ANXA6: variants seen among roughly 807,000 people sequenced by gnomAD.
ANXA6 encodes the protein 67 kDa calelectrin.
ANXA6 carries 71 observed loss-of-function variants against 95.4 expected under a neutral mutation model. The observed-to-expected ratio is 0.74, with a 90% confidence interval of 0.61 to 0.91. The LOEUF is 0.91. Among genes scored for constraint, ANXA6 ranks in the 40% least tolerant of loss-of-function variants. The probability of loss-of-function intolerance (pLI) is 0.00; values close to 1 mark genes in which losing one functional copy is unlikely to be tolerated. For missense variants in ANXA6, 830 were observed against 876.4 expected (o/e 0.95, Z 0.67); for synonymous variants, 289 against 315.9 (o/e 0.91, Z 0.90).
chr5:151,103,214 C>T (rs1482649151), intron 25 of ANXA6, among the ~76,000 whole-genome samples: 2 of 152,174 alleles, frequency 1.3e-5, no homozygotes, highest in Non-Finnish European at 2.9e-5. Flanking sequence ...CCAGGCTGGT[C>T]TTGAACTCCT....
chr5:151,128,004 C>G (rs1438735817), intron 13 of ANXA6, among the ~76,000 whole-genome samples, 177 bp downstream of exon 13: 2 of 152,164 alleles, frequency 1.3e-5, no homozygotes, highest in Non-Finnish European at 2.9e-5. Context: ...CACTCTCAGA[C>G]ACACAGACCC....
At position 151,139,441 on chromosome 5, in the gene ANXA6, T is replaced by C; in HGVS notation, c.116A>G (p.Asp39Gly). 1 of 1,612,824 alleles carries C rather than the reference T, an allele frequency of 6.2e-7. No homozygotes were observed. Among genetic ancestry groups the C allele is most frequent in the Non-Finnish European group, 8.5e-7 (1 of 1,178,998 alleles). Residue 39 changes from aspartate (D) to glycine (G), a missense_variant, in exon 4 of 26, where the codon GAC becomes GGC. Physicochemically the swap from Asp to Gly is moderately conservative, Grantham distance 94. Coordinates refer to ENST00000354546, the MANE Select transcript of ANXA6 (RefSeq NM_001155.5). ...GATTATGTCCAGTATGGCCTCCTTG[T>C]CACTGCCTGGAATAGGGGAGAGCAA... is the stretch of plus-strand genomic sequence containing the variant. The part of the protein sequence containing the change: ...LYTAMKGFGS[D>G]KEAILDIITS...
intron 6 of ANXA6, 66 bp from the exon 7 acceptor site, chr5:151,136,401 C>T: frequency 1.4e-6 from 2 of 1,448,880 alleles, no homozygotes; most frequent in Non-Finnish European, 1.9e-6. Context: ...ATAAAGGGCC[C>T]TGCTGCCCCC....
intron 1 of ANXA6, among the ~76,000 whole-genome samples, chr5:151,153,226 C>T (rs1261228384): frequency 6.6e-6 from 1 of 152,204 alleles, no homozygotes; most frequent in Non-Finnish European, 1.5e-5. Context: ...ATCCAGCTTT[C>T]CAGAATCTAT....
intron 20 of ANXA6, among the ~76,000 whole-genome samples, chr5:151,111,788 T>G (rs1171154490): frequency 6.6e-6 from 1 of 151,694 alleles, no homozygotes; most frequent in Non-Finnish European, 1.5e-5. Flanking sequence ...GGGGTCTCAC[T>G]TTGTTGTCCA....
chr5:151,110,861 T>G (rs941411428), intron 20 of ANXA6, among the ~76,000 whole-genome samples: 2 of 152,076 alleles, frequency 1.3e-5, no homozygotes, highest in Admixed American at 6.5e-5. Flanking sequence ...GAGCTCAGAA[T>G]GCGGATAGGC....
intron 13 of ANXA6, among the ~76,000 whole-genome samples, chr5:151,127,228 C>G (rs1314656070): frequency 6.6e-6 from 1 of 152,258 alleles, no homozygotes; most frequent in Non-Finnish European, 1.5e-5. Flanking sequence ...TCAGTAATAT[C>G]TGCTGAACTG....
chr5:151,138,338 T>C (rs10039049), intron 5 of ANXA6, among the ~76,000 whole-genome samples: 49,125 of 152,032 alleles, frequency 0.32, 8,246 homozygotes, highest in South Asian at 0.57. Context: ...TATTATCCTT[T>C]AAGATGCCCT....
At chr5:151,151,366 C>T (rs1371153159) in intron 1 of ANXA6, 2 of 152,184 alleles carry the variant, frequency 1.3e-5, no homozygotes, top group African/African-American at 4.8e-5. Context: ...TCCATGACTC[C>T]AAGTCCCTCA....
rs1016510472 is a variant in ANXA6, at chr5:151,137,103, T to C, written c.409+128A>G. ...AGCAAGTACTTATTGGGTAGATAAA[T>C]GGGTGGACAAATGGATCAGAGGAAA... On this transcript the variant is annotated intron_variant, in intron 6 of 25. Transcript: ENST00000354546. 6.0e-6 allele frequency: 5 copies of C among 832,568 alleles called. No homozygotes were observed. The East Asian group carries it at 1.4e-4, about 23-fold the overall frequency. The allele number at this position is 832,568 out of a possible 1,614,324, so 51.6% of individuals were successfully genotyped here.
chr5:151,143,638 A>G (rs1263431735), intron 2 of ANXA6, among the ~76,000 whole-genome samples: 1 of 152,128 alleles, frequency 6.6e-6, no homozygotes, highest in African/African-American at 2.4e-5. Flanking sequence ...ATACGATGCT[A>G]AGGGCAGCAT....
rs1764539329 is a variant in ANXA6 at position 151,101,248 on chromosome 5, C to A, written c.*200G>T. The A allele has an allele frequency of 3.2e-6, 2 of 625,714 alleles. No homozygotes were observed. Among genetic ancestry groups the A allele is most frequent in the Non-Finnish European group, 5.8e-6 (2 of 345,442 alleles). 38.8% of individuals were successfully genotyped at this position (625,714 alleles called of 1,614,324 possible). A position where few individuals can be genotyped will look rare whatever the true frequency, so the allele number is the denominator to read the frequency against. Reference sequence around the variant, plus strand: ...AGGATCTATGGCTACGGTTTTTCAGCCGCTCAGCCGTGCTGGGCCCTCGAT... The same window carrying A: ...AGGATCTATGGCTACGGTTTTTCAGACGCTCAGCCGTGCTGGGCCCTCGAT... On this transcript the variant is annotated 3_prime_UTR_variant, in exon 26 of 26. Transcript: ENST00000354546.
chr5:151,113,367 C>T (rs1764903856), intron 20 of ANXA6, among the ~76,000 whole-genome samples: 1 of 152,126 alleles, frequency 6.6e-6, no homozygotes, highest in South Asian at 2.1e-4. Context: ...CAACACTGCA[C>T]TCCAGCCTGG....
intron 3 of ANXA6, 143 bp downstream of exon 3, chr5:151,140,010 A>T: frequency 1.8e-6 from 1 of 566,256 alleles, no homozygotes; most frequent in South Asian, 3.4e-5. Flanking sequence ...TAACATCATG[A>T]AAATTAATAA....
chr5:151,118,447 T>G (rs2113910229), intron 18 of ANXA6, among the ~76,000 whole-genome samples: 1 of 152,112 alleles, frequency 6.6e-6, no homozygotes, highest in African/African-American at 2.4e-5. Flanking sequence ...TTTTTTGTTT[T>G]TTTTGAGATG....
Position 151,136,384 on chromosome 5 carries a change from A to G in ANXA6, c.410-49T>C, listed in dbSNP as rs750872536. On this transcript the variant is annotated intron_variant, in intron 6 of 25. Coordinates refer to ENST00000354546, the MANE Select transcript of ANXA6 (RefSeq NM_001155.5). ...AGTCTCATCCCCAGAGACCTCAGGG[A>G]TCTAGGATAAAGGGCCCTGCTGCCC... 3.8e-6 allele frequency: 6 copies of G among 1,569,284 alleles called. No homozygotes were observed. In the East Asian group the frequency reaches 1.4e-4, roughly 35 times the overall value.
At chr5:151,145,347 G>A (rs1252660957) in intron 2 of ANXA6, among the ~76,000 whole-genome samples, 1 of 152,232 alleles carries the variant, frequency 6.6e-6, no homozygotes, top group Non-Finnish European at 1.5e-5. Flanking sequence ...AGAAGTCCCA[G>A]GCACAAGCAC....
At chr5:151,120,172 C>T (rs4958897) in intron 17 of ANXA6, among the ~76,000 whole-genome samples, 50,723 of 151,852 alleles carry the variant, frequency 0.33, 9,214 homozygotes, top group East Asian at 0.66. Flanking sequence ...CATTTGTTTA[C>T]TCTTGGATTT....
intron 20 of ANXA6, among the ~76,000 whole-genome samples, chr5:151,113,178 A>G (rs552284431): frequency 6.6e-6 from 1 of 152,248 alleles, no homozygotes; most frequent in South Asian, 2.1e-4. Flanking sequence ...AGGCAGGTTG[A>G]TCACCTGAGG....
Sources: gnomAD v4.1 joint callset for allele counts (sites outside exome capture counted in the v4.1 genomes callset) on GRCh38, gnomAD v4.1.1 for gene constraint, MANE v1.5 for transcripts, NCBI Gene and HGNC (gene_info 2026-07-23, HGNC 2026-07-21) for gene names.